AFAP1: variants seen among roughly 807,000 people sequenced by gnomAD.
The protein encoded by AFAP1 is actin filament associated protein 1, also known as actin filament-associated protein 1.
In AFAP1, 75 loss-of-function variants were observed where a neutral mutation model predicts 93.9. That is an observed-to-expected ratio of 0.80 (90% CI 0.66 to 0.97). The LOEUF (loss-of-function observed/expected upper bound fraction) is 0.97. Ranked by LOEUF, AFAP1 falls within the 50% of genes least tolerant of loss-of-function variation. The pLI, the probability that AFAP1 is intolerant of heterozygous loss-of-function variation, is 0.00. For missense variants in AFAP1, 1,201 were observed against 1,050.8 expected, an observed-to-expected ratio of 1.14 and a Z score of -1.98; for synonymous variants, 517 against 430.7, an observed-to-expected ratio of 1.20 and a Z score of -2.48.
intron 3 of AFAP1, among the ~76,000 whole-genome samples, chr4:7,858,418 C>CT (rs1264004993): frequency 6.6e-6 from 1 of 152,200 alleles, no homozygotes; most frequent in Non-Finnish European, 1.5e-5. Flanking sequence ...TCAAATACCA[C>CT]TTATCCTTGA....
intron 1 of AFAP1, among the ~76,000 whole-genome samples, chr4:7,889,581 T>C (rs757305765): frequency 2.7e-4 from 39 of 144,414 alleles, no homozygotes; most frequent in Non-Finnish European, 5.0e-4. Flanking sequence ...GGCATACATA[T>C]AAAAACTAAA....
intron 5 of AFAP1, among the ~76,000 whole-genome samples, chr4:7,840,263 T>TGTGTGTGTGTGTGC (rs1491252484): frequency 1.3e-4 from 4 of 31,564 alleles, no homozygotes; most frequent in African/African-American, 3.1e-4. Context: ...GTTTTTGGGA[T>TGTGTGTGTGTGTGC]GTGTGTGTGT....
chr4:7,879,688 C>CTGCT (rs1288739033), intron 1 of AFAP1, among the ~76,000 whole-genome samples: 3 of 146,162 alleles, frequency 2.1e-5, no homozygotes, highest in Admixed American at 6.9e-5. Context: ...TTAATTATCT[C>CTGCT]TGCTTGCTTG....
chr4:7,810,246 G>A (rs1184304765), intron 8 of AFAP1, among the ~76,000 whole-genome samples: 3 of 152,246 alleles, frequency 2.0e-5, no homozygotes, highest in Non-Finnish European at 4.4e-5. Flanking sequence ...ACACAGGGCT[G>A]CTGGTAGGAA....
intron 3 of AFAP1, 75 bp from the exon 4 acceptor site, chr4:7,855,649 G>T: frequency 1.7e-6 from 2 of 1,164,530 alleles, no homozygotes; most frequent in East Asian, 2.4e-5. Context: ...CAATTAACAG[G>T]TGTGGCCAGT....
intron 6 of AFAP1, among the ~76,000 whole-genome samples, chr4:7,821,741 C>T (rs1720991150): frequency 6.6e-6 from 1 of 152,192 alleles, no homozygotes; most frequent in Admixed American, 6.5e-5. Context: ...TGCAATTGGG[C>T]CTCCACAGAC....
At chr4:7,863,990 T>C (rs375310255) in intron 3 of AFAP1, among the ~76,000 whole-genome samples, 1,562 of 94,698 alleles carry the variant, frequency 0.016, no homozygotes, top group South Asian at 0.029. Flanking sequence ...CAACTTCCCA[T>C]CACAACACCT....
chr4:7,897,355 T>C (rs1718846620), intron 1 of AFAP1, among the ~76,000 whole-genome samples: 2 of 152,168 alleles, frequency 1.3e-5, no homozygotes, highest in Non-Finnish European at 2.9e-5. Flanking sequence ...TCCATATAAA[T>C]GAGCTGAACA....
At chr4:7,786,954 T>C (rs4689863) in intron 11 of AFAP1, among the ~76,000 whole-genome samples, 3 of 152,188 alleles carry the variant, frequency 2.0e-5, no homozygotes, top group Non-Finnish European at 1.5e-5. Flanking sequence ...CCACATCTCT[T>C]CACCTCTTCC....
intron 1 of AFAP1, among the ~76,000 whole-genome samples, chr4:7,910,625 A>G (rs1447924981): frequency 6.6e-6 from 1 of 152,126 alleles, no homozygotes; most frequent in Non-Finnish European, 1.5e-5. Flanking sequence ...CAAAAGAAGA[A>G]CTGCAGAGCA....
At chr4:7,834,862 G>A (rs1712091816) in intron 6 of AFAP1, among the ~76,000 whole-genome samples, 1 of 152,254 alleles carries the variant, frequency 6.6e-6, no homozygotes, top group African/African-American at 2.4e-5. Flanking sequence ...CCTTTGAATG[G>A]ACTGCGGGTG....
intron 6 of AFAP1, among the ~76,000 whole-genome samples, chr4:7,835,035 T>A (rs151109999): frequency 4.6e-4 from 42 of 91,144 alleles, no homozygotes; most frequent in African/African-American, 1.5e-3. Flanking sequence ...GAATGGACTG[T>A]GGGCTGCCTT....
chr4:7,878,300 A>G (rs1717634259), intron 1 of AFAP1, among the ~76,000 whole-genome samples: 1 of 152,202 alleles, frequency 6.6e-6, no homozygotes, highest in African/African-American at 2.4e-5. Flanking sequence ...TCCACCCTCC[A>G]GAGCTATTGC....
At chr4:7,904,212 C>T (rs1038505946) in intron 1 of AFAP1, among the ~76,000 whole-genome samples, 11 of 152,078 alleles carry the variant, frequency 7.2e-5, no homozygotes, top group African/African-American at 1.7e-4. Context: ...CAAACCAATA[C>T]GTGGAGACTG....
chr4:7,841,846 A>G (rs1416260195), intron 5 of AFAP1, among the ~76,000 whole-genome samples: 1 of 148,704 alleles, frequency 6.7e-6, no homozygotes, highest in Non-Finnish European at 1.5e-5. Flanking sequence ...CAGGGGCCCA[A>G]ATGGAAGACA....
chr4:7,795,195 A>G (rs10937862), intron 10 of AFAP1, among the ~76,000 whole-genome samples: 22,535 of 152,060 alleles, frequency 0.15, 1,709 homozygotes, highest in Middle Eastern at 0.19. Flanking sequence ...TTGGCTAGTG[A>G]TATTTTCCAT....
chr4:7,771,906 A>AGAACAGGCTGTGCGGGTGGTGCCC (rs1715493721), intron 16 of AFAP1, among the ~76,000 whole-genome samples: 1 of 152,138 alleles, frequency 6.6e-6, no homozygotes, highest in Admixed American at 6.5e-5. Context: ...AGAGTAAGGA[A>AGAACAGGCTGTGCGGGTGGTGCCC]GAACAGGCTG....
rs1718555205 is a variant in AFAP1, at chr4:7,797,605, A to C, written c.1266+2837T>G. On this transcript the variant is annotated intron_variant, in intron 10 of 17. Transcript: ENST00000420658. ...ATGATGTTGTCGAGGCAGAGGGAGC[A>C]GGCTAAAGAGACGCGGCAGCGGACT... Among the ~76,000 whole-genome samples, 5 of 152,360 alleles carry C rather than the reference A, an allele frequency of 3.3e-5. No homozygotes were observed. The South Asian group carries it at 1.0e-3, about 32-fold the overall frequency.
At chr4:7,831,950 CA>C (rs1424935412) in intron 6 of AFAP1, among the ~76,000 whole-genome samples, 1 of 152,116 alleles carries the variant, frequency 6.6e-6, no homozygotes, top group Non-Finnish European at 1.5e-5. Flanking sequence ...TCAGATGGCC[CA>C]ACACAGTGAG....
Sources: gnomAD v4.1 joint callset for allele counts (sites outside exome capture counted in the v4.1 genomes callset) on GRCh38, gnomAD v4.1.1 for gene constraint, MANE v1.5 for transcripts, NCBI Gene and HGNC (gene_info 2026-07-23, HGNC 2026-07-21) for gene names.